Variants in LIPG observed in about 807,000 individuals in gnomAD.
LIPG encodes endothelial lipase.
In LIPG, 34 loss-of-function variants were observed where a neutral mutation model predicts 51.8. The ratio of observed to expected loss-of-function variants is 0.66; its 90% confidence interval spans 0.50 to 0.87. The LOEUF (loss-of-function observed/expected upper bound fraction) is 0.87, where lower values mean the gene tolerates loss of function less well. Among genes scored for constraint, LIPG ranks in the 40% least tolerant of loss-of-function variants. The pLI is 0.00. For synonymous variants in LIPG, 246 were observed against 246.1 expected, an observed-to-expected ratio of 1.00 and a Z score of 0.00; for missense variants, 580 against 652.7, an observed-to-expected ratio of 0.89 and a Z score of 1.21.
At chr18:49,567,072 C>G (rs1160966432) in intron 2 of LIPG, among the ~76,000 whole-genome samples, 2 of 152,212 alleles carry the variant, frequency 1.3e-5, no homozygotes, top group South Asian at 2.1e-4. Flanking sequence ...CATGGTGGCT[C>G]ACGCCTATAA....
chr18:49,581,827 C>T, intron 6 of LIPG, 170 bp downstream of exon 6: 1 of 827,116 alleles, frequency 1.2e-6, no homozygotes. Flanking sequence ...GGAATCTTTA[C>T]AAAATAAACA....
At chr18:49,579,061 A>C (rs1240612078) in intron 5 of LIPG, among the ~76,000 whole-genome samples, 1 of 6 alleles carries the variant, frequency 0.17, no homozygotes, top group East Asian at 0.5. Flanking sequence ...GGAGAGGGAG[A>C]GGGAGAGGGA....
At position 49,597,041 on chromosome 18, in the gene LIPG, T is replaced by C. The variant is rs1410986221; in HGVS notation, c.*6519T>C. On this transcript the variant is annotated 3_prime_UTR_variant, in exon 10 of 10. Transcript: ENST00000261292. ...GAAGACGTTTGTTAATCCAAATTAA[T>C]CTTTGATTTGCATGGAGGCAGTAGG... is the stretch of plus-strand genomic sequence containing the variant. The C allele has an allele frequency of 6.6e-6, 1 of 152,218 alleles. No individual in the cohort carries two copies. The highest frequency in any genetic ancestry group is 2.4e-5 in the African/African-American group (1 of 41,442). The allele number at this position is 152,218 out of a possible 1,614,324, so 9.4% of individuals were successfully genotyped here.
At chr18:49,572,743 A>T (rs1159136989) in intron 4 of LIPG, among the ~76,000 whole-genome samples, 1 of 151,988 alleles carries the variant, frequency 6.6e-6, no homozygotes, top group African/African-American at 2.4e-5. Flanking sequence ...AAAAAAAAAA[A>T]AAAAAAAAAG....
chr18:49,575,920 C>A (rs971300602), intron 5 of LIPG, among the ~76,000 whole-genome samples: 3 of 151,170 alleles, frequency 2.0e-5, no homozygotes, highest in Non-Finnish European at 2.9e-5. Flanking sequence ...CTCACTGCAA[C>A]CTCCACCTCC....
chr18:49,575,184 G>A (rs2084702821), intron 4 of LIPG, among the ~76,000 whole-genome samples, 185 bp from the exon 5 acceptor site: 1 of 152,232 alleles, frequency 6.6e-6, no homozygotes, highest in Non-Finnish European at 1.5e-5. Context: ...CTGCAATGAT[G>A]TCTTGGGGTC....
chr18:49,593,716 G>C lies in LIPG; in HGVS notation c.*3194G>C, dbSNP rs2084965256. ...CCAATGGAAAGCCAGAAAAGGGAAGGGATGAACAGTCTCCTCTTAAAGACA... is the reference window on the plus strand; with the variant it reads ...CCAATGGAAAGCCAGAAAAGGGAAGCGATGAACAGTCTCCTCTTAAAGACA... On this transcript the variant is annotated 3_prime_UTR_variant, in exon 10 of 10. Coordinates refer to ENST00000261292, the MANE Select transcript of LIPG (RefSeq NM_006033.4). 2 of 152,204 alleles carry C rather than the reference G, an allele frequency of 1.3e-5. No homozygotes were observed. The highest frequency in any genetic ancestry group is 2.4e-5 in the African/African-American group (1 of 41,432). 9.4% of individuals were successfully genotyped at this position (152,204 alleles called of 1,614,324 possible).
At chr18:49,578,315 C>A (rs1041811992) in intron 5 of LIPG, among the ~76,000 whole-genome samples, 7 of 140,868 alleles carry the variant, frequency 5.0e-5, no homozygotes, top group African/African-American at 1.4e-4. Context: ...ACGGGGCAGC[C>A]GGGCAGAGAC....
intron 5 of LIPG, among the ~76,000 whole-genome samples, chr18:49,576,845 C>A (rs1426871493): frequency 6.6e-6 from 1 of 152,118 alleles, no homozygotes; most frequent in East Asian, 1.9e-4. Flanking sequence ...CTCCTGGGCT[C>A]AAGCTATCCC....
At chr18:49,564,058 C>G (rs924102206) in intron 1 of LIPG, among the ~76,000 whole-genome samples, 2 of 152,178 alleles carry the variant, frequency 1.3e-5, no homozygotes, top group Admixed American at 1.3e-4. Flanking sequence ...AACCTGACTT[C>G]CGCTCATGTG....
intron 8 of LIPG, among the ~76,000 whole-genome samples, chr18:49,585,774 A>G (rs764452790): frequency 2.0e-4 from 30 of 152,182 alleles, no homozygotes; most frequent in Non-Finnish European, 7.3e-5. Flanking sequence ...CTAATTTTCC[A>G]TCTTAACTAT....
chr18:49,567,979 TGAAGCATGGCTGTGCTGAGGGTGGG>T (rs375502359), intron 3 of LIPG, among the ~76,000 whole-genome samples: 3,994 of 152,276 alleles, frequency 0.026, 84 homozygotes, highest in Middle Eastern at 0.051. Flanking sequence ...CTCTTGTCTC[TGAAGCATGGCTGTGCTGAGGGTGGG>T]GAGGGGGTTA....
intron 5 of LIPG, among the ~76,000 whole-genome samples, chr18:49,580,573 A>G (rs1337022787): frequency 6.6e-6 from 1 of 152,132 alleles, no homozygotes; most frequent in African/African-American, 2.4e-5. Flanking sequence ...GGCCCAGGTG[A>G]GGATCACTTG....
At chr18:49,589,942 G>A (rs918663681) in intron 9 of LIPG, 1 of 172,660 alleles carries the variant, frequency 5.8e-6, no homozygotes, top group Non-Finnish European at 1.3e-5. Flanking sequence ...AGCATCATAT[G>A]TAACATGTTT....
In LIPG at chr18:49,590,612, T is replaced by C. The variant is rs940974832; in HGVS notation, c.*90T>C. 1.1e-5 allele frequency: 15 copies of C among 1,310,290 alleles called. No individual in the cohort carries two copies. In the African/African-American group the frequency reaches 2.0e-4, roughly 18 times the overall value. 81.2% of individuals were successfully genotyped at this position (1,310,290 alleles called of 1,614,324 possible). On this transcript the variant is annotated 3_prime_UTR_variant, in exon 10 of 10. Coordinates refer to ENST00000261292, the MANE Select transcript of LIPG (RefSeq NM_006033.4). ...AAGTTACTGCTGAGGACCCACCCAATGGAAGGATTCTTCTCAGCCTTGACC... is the reference window on the plus strand; with the variant it reads ...AAGTTACTGCTGAGGACCCACCCAACGGAAGGATTCTTCTCAGCCTTGACC...
chr18:49,569,646 G>A (rs1320700), intron 4 of LIPG, 98 bp downstream of exon 4: 258,647 of 976,536 alleles, frequency 0.26, 36,925 homozygotes, highest in Middle Eastern at 0.37. Flanking sequence ...AGTTAGCTTT[G>A]GAAGGAACCT....
rs2084981905 is a variant in LIPG at position 49,596,332 on chromosome 18, TAATAA to T, written c.*5814_*5818del. On this transcript the variant is annotated 3_prime_UTR_variant, in exon 10 of 10. Transcript: ENST00000261292. Reference sequence around the variant, plus strand: ...ATGAATATTAAATAAACTAAAATGCTAATAAAATGTACTCCTTAGGGCCAGGTGCG... The same window carrying T: ...ATGAATATTAAATAAACTAAAATGCTAATGTACTCCTTAGGGCCAGGTGCG... 1 of 151,948 alleles carries T rather than the reference TAATAA, an allele frequency of 6.6e-6. No homozygotes were observed. The highest frequency in any genetic ancestry group is 2.1e-4 in the South Asian group (1 of 4,810). The allele number at this position is 151,948 out of a possible 1,614,324, so 9.4% of individuals were successfully genotyped here.
At chr18:49,574,455 T>C (rs2084694331) in intron 4 of LIPG, among the ~76,000 whole-genome samples, 1 of 152,220 alleles carries the variant, frequency 6.6e-6, no homozygotes, top group Non-Finnish European at 1.5e-5. Flanking sequence ...TTTTATACTT[T>C]GCAAGTTCTC....
At position 49,562,124 on chromosome 18, in the gene LIPG, C is replaced by T; in HGVS notation, c.-185C>T. ...ATCTCGTTCTGGGGCAAGCCGTTGA[C>T]ACTCGCTCCCTGCCACCGCCCGGGC... On this transcript the variant is annotated 5_prime_UTR_variant, in exon 1 of 10. Coordinates refer to ENST00000261292, the MANE Select transcript of LIPG (RefSeq NM_006033.4). 2.1e-6 allele frequency: 3 copies of T among 1,461,136 alleles called. No individual in the cohort carries two copies. The highest frequency in any genetic ancestry group is 2.7e-6 in the Non-Finnish European group (3 of 1,114,162). 90.5% of individuals were successfully genotyped at this position (1,461,136 alleles called of 1,614,324 possible). A position where few individuals can be genotyped will look rare whatever the true frequency, so the allele number is the denominator to read the frequency against.
Sources: allele counts gnomAD v4.1 joint callset (sites outside exome capture counted in the v4.1 genomes callset), GRCh38; gene constraint gnomAD v4.1.1; transcripts MANE v1.5; gene names NCBI Gene and HGNC (gene_info 2026-07-23, HGNC 2026-07-21).